Variants in FBRSL1 observed in about 807,000 individuals in gnomAD.
The protein encoded by FBRSL1 is fibrosin-1-like protein.
A neutral mutation model predicts 89.6 loss-of-function variants in FBRSL1; 51 were observed. The ratio of observed to expected loss-of-function variants is 0.57; its 90% CI spans 0.45 to 0.72. The LOEUF (loss-of-function observed/expected upper bound fraction) is 0.72, where lower values mean the gene tolerates loss of function less well. Among genes scored for constraint, FBRSL1 ranks in the 30% least tolerant of loss-of-function variants. The probability of loss-of-function intolerance (pLI) is 0.00; values close to 1 mark genes in which losing one functional copy is unlikely to be tolerated. For synonymous variants in FBRSL1, 779 were observed against 681.1 expected, an observed-to-expected ratio of 1.14 and a Z score of -2.24; for missense variants, 1,618 against 1,451.8, an observed-to-expected ratio of 1.11 and a Z score of -1.86.
chr12:132,491,014 C>G (rs1030533661), intron 1 of FBRSL1, among the ~76,000 whole-genome samples, 153 bp downstream of exon 1: 4 of 152,216 alleles, frequency 2.6e-5, no homozygotes, highest in African/African-American at 9.6e-5. Flanking sequence ...GTTCCAGGGA[C>G]CCTGGGTGCC....
Position 132,583,033 on chromosome 12 carries a change from C to T in FBRSL1, c.2264C>T (p.Pro755Leu). ...RASPATPAGH[P>L]VSGLLLRAQS... Reference sequence around the variant, plus strand: ...TCGCCCGCCACCCCCGCTGGCCACCCCGTCAGCGGCCTCCTGCTCCGGGCC... The same window carrying T: ...TCGCCCGCCACCCCCGCTGGCCACCTCGTCAGCGGCCTCCTGCTCCGGGCC... Residue 755 changes from proline to leucine, a missense_variant, in exon 19 of 19, where the codon CCC becomes CTC. Pro to Leu is a moderately conservative substitution (Grantham distance 98, BLOSUM62 -3). Coordinates refer to ENST00000680143, the MANE Select transcript of FBRSL1 (RefSeq NM_001367871.1). 6.9e-7 allele frequency: 1 copy of T among 1,455,508 alleles called. No individual in the cohort carries two copies. Among genetic ancestry groups the T allele is most frequent in the Non-Finnish European group, 9.0e-7 (1 of 1,111,714 alleles). 90.2% of individuals were successfully genotyped at this position (1,455,508 alleles called of 1,614,324 possible).
intron 6 of FBRSL1, among the ~76,000 whole-genome samples, chr12:132,569,317 G>A (rs939014328): frequency 2.6e-5 from 4 of 151,228 alleles, no homozygotes; most frequent in Non-Finnish European, 4.4e-5. Flanking sequence ...TGAGGGTGGC[G>A]GGTGACGGGC....
intron 14 of FBRSL1, 121 bp downstream of exon 14, chr12:132,574,685 C>A: frequency 8.0e-7 from 1 of 1,242,830 alleles, no homozygotes; most frequent in Non-Finnish European, 1.1e-6. Flanking sequence ...GATCCTCACG[C>A]GTGAGCCGCC....
At chr12:132,519,333 T>G (rs1593318222) in intron 2 of FBRSL1, among the ~76,000 whole-genome samples, 1 of 152,136 alleles carries the variant, frequency 6.6e-6, no homozygotes, top group Non-Finnish European at 1.5e-5. Flanking sequence ...GAATGGAGTG[T>G]CAGGAACGGT....
intron 1 of FBRSL1, among the ~76,000 whole-genome samples, chr12:132,496,362 C>T (rs1593226770): frequency 6.6e-6 from 1 of 152,202 alleles, no homozygotes; most frequent in South Asian, 2.1e-4. Context: ...CTGTGGCTGG[C>T]AGTTTTAAGG....
At chr12:132,504,707 TG>T (rs2136499887) in intron 1 of FBRSL1, among the ~76,000 whole-genome samples, 1 of 152,212 alleles carries the variant, frequency 6.6e-6, no homozygotes, top group East Asian at 1.9e-4. Flanking sequence ...AGGGCTGGGC[TG>T]GGTGGTGGGT....
chr12:132,526,870 G>C (rs998646947), intron 3 of FBRSL1, among the ~76,000 whole-genome samples: 1 of 152,104 alleles, frequency 6.6e-6, no homozygotes, highest in Non-Finnish European at 1.5e-5. Flanking sequence ...CCCTCCTGCT[G>C]GGGGAGGCCC....
intron 4 of FBRSL1, among the ~76,000 whole-genome samples, chr12:132,544,409 G>T (rs1399428134): frequency 6.6e-6 from 1 of 152,168 alleles, no homozygotes; most frequent in Non-Finnish European, 1.5e-5. Context: ...CACCTTTCCA[G>T]CCTTGGCCAT....
intron 2 of FBRSL1, among the ~76,000 whole-genome samples, chr12:132,513,931 GGT>G (rs1416192703): frequency 6.6e-6 from 1 of 152,162 alleles, no homozygotes; most frequent in Non-Finnish European, 1.5e-5. Flanking sequence ...ATCCACGCCT[GGT>G]GTGTGGGCAT....
intron 1 of FBRSL1, among the ~76,000 whole-genome samples, chr12:132,503,167 A>G (rs1162987884): frequency 7.8e-6 from 1 of 128,456 alleles, no homozygotes. Context: ...GTGCAGCCAC[A>G]TGCCCTCACT....
intron 3 of FBRSL1, among the ~76,000 whole-genome samples, chr12:132,527,636 A>AGGGCTGCG (rs1163129460): frequency 1.2e-5 from 1 of 83,880 alleles, no homozygotes; most frequent in Non-Finnish European, 2.4e-5. Context: ...GGCAGGGTTG[A>AGGGCTGCG]GGGCTGCGGG....
At chr12:132,582,884 C>A in intron 18 of FBRSL1, 87 bp from the exon 19 acceptor site, 2 of 1,136,986 alleles carry the variant, frequency 1.8e-6, no homozygotes, top group Non-Finnish European at 2.3e-6. Flanking sequence ...AACTGGAGGC[C>A]CCGACAAGCA....
intron 2 of FBRSL1, among the ~76,000 whole-genome samples, chr12:132,519,794 A>G (rs1022908172): frequency 6.6e-6 from 1 of 151,908 alleles, no homozygotes; most frequent in Non-Finnish European, 1.5e-5. Flanking sequence ...CTGTAATCCC[A>G]GCTACTAGAG....
chr12:132,581,103 A>G (rs2040714101), intron 15 of FBRSL1: 1 of 985,326 alleles, frequency 1.0e-6, no homozygotes, highest in African/African-American at 1.7e-5. Context: ...AGGCTTCAGG[A>G]GTGGTCCGAT....
chr12:132,531,130 A>C (rs1012078992), intron 4 of FBRSL1, among the ~76,000 whole-genome samples: 1 of 151,896 alleles, frequency 6.6e-6, no homozygotes, highest in Admixed American at 6.6e-5. Context: ...AGGCCAGACC[A>C]CCCCAGGGGT....
chr12:132,527,284 A>G (rs960613662), intron 3 of FBRSL1, among the ~76,000 whole-genome samples: 19 of 152,170 alleles, frequency 1.2e-4, no homozygotes, highest in African/African-American at 4.6e-4. Flanking sequence ...GACCTCCCCC[A>G]GGTCTTCCTG....
rs926947244 is a variant in FBRSL1 at position 132,583,227 on chromosome 12, G to A, written c.2458G>A (p.Glu820Lys). The change falls in exon 19 of 19, where the codon GAG (glutamate) becomes AAG (lysine). Residue 820 changes from glutamate to lysine, a missense_variant. Transcript: ENST00000680143. ...CGTGAAGGTCAAGGAGGAGCGCGGG[G>A]AGGACGAGGCCTCCGAGCCCCCGGC... is the stretch of plus-strand genomic sequence containing the variant. ...GDVKVKEERG[E>K]DEASEPPAGG... is the part of the protein sequence containing the mutation. 2.1e-6 allele frequency: 3 copies of A among 1,402,186 alleles called. No homozygotes were observed. The highest frequency in any genetic ancestry group is 3.0e-5 in the Admixed American group (1 of 33,876). The allele number at this position is 1,402,186 out of a possible 1,614,324, so 86.9% of individuals were successfully genotyped here.
At chr12:132,527,505 C>T (rs546418742) in intron 3 of FBRSL1, among the ~76,000 whole-genome samples, 1 of 152,344 alleles carries the variant, frequency 6.6e-6, no homozygotes, top group South Asian at 2.1e-4. Context: ...CCTCAGCCCT[C>T]GTGGCCCCTG....
In FBRSL1 at chr12:132,570,439, C is replaced by T. The variant is rs900945205; in HGVS notation, c.1112C>T (p.Ala371Val). The change falls in exon 8 of 19, where the codon GCG (alanine) becomes GTG (valine). Residue 371 changes from alanine (A) to valine (V), a missense_variant. Ala to Val is a moderately conservative substitution (Grantham distance 64). Coordinates refer to ENST00000680143, the MANE Select transcript of FBRSL1 (RefSeq NM_001367871.1). The stretch of plus-strand genomic sequence containing the variant: ...TCACACCTGGCGCTCCGGTCCCAGG[C>T]GCAGCACCAGCTCCACGCGGCCATG... ...STSHLALRSQAQHQLHAAMFA... is the reference protein window; with the variant it reads ...STSHLALRSQVQHQLHAAMFA... 2.1e-5 allele frequency: 32 copies of T among 1,534,768 alleles called. No homozygotes were observed. The highest frequency in any genetic ancestry group is 2.6e-5 in the Non-Finnish European group (30 of 1,145,814).
Sources: gnomAD v4.1 joint callset for allele counts (sites outside exome capture counted in the v4.1 genomes callset) on GRCh38, gnomAD v4.1.1 for gene constraint, MANE v1.5 for transcripts, NCBI Gene and HGNC (gene_info 2026-07-23, HGNC 2026-07-21) for gene names.